Variants in SLIT3 observed in about 807,000 individuals in gnomAD.
The protein encoded by SLIT3 is slit homolog 3 protein.
A neutral mutation model predicts 184.0 loss-of-function variants in SLIT3; 68 were observed. The ratio of observed to expected loss-of-function variants is 0.37; its 90% CI spans 0.30 to 0.45. The LOEUF is 0.45. SLIT3 is among the 20% of genes least tolerant of loss of function. SLIT3 has a pLI of 1.00. For missense variants in SLIT3, 1,707 were observed against 2,026.0 expected (o/e 0.84, Z 3.02); for synonymous variants, 831 against 828.6 (o/e 1.00, Z -0.05).
chr5:169,109,271 A>T (rs745790394), intron 4 of SLIT3, among the ~76,000 whole-genome samples: 1 of 152,210 alleles, frequency 6.6e-6, no homozygotes, highest in Non-Finnish European at 1.5e-5. Flanking sequence ...CTCACTTGGC[A>T]AGGAACAGCA....
At chr5:169,217,393 C>T (rs1190864252) in intron 3 of SLIT3, among the ~76,000 whole-genome samples, 1 of 152,144 alleles carries the variant, frequency 6.6e-6, no homozygotes, top group African/African-American at 2.4e-5. Flanking sequence ...GAGCTCACAG[C>T]TGAAGTACGT....
At chr5:168,836,915 A>G (rs1758071098) in intron 6 of SLIT3, among the ~76,000 whole-genome samples, 1 of 152,200 alleles carries the variant, frequency 6.6e-6, no homozygotes, top group East Asian at 1.9e-4. Context: ...CGCAGATTCC[A>G]GGTATTTTAA....
At chr5:168,916,562 C>G (rs1329960988) in intron 4 of SLIT3, among the ~76,000 whole-genome samples, 1 of 152,234 alleles carries the variant, frequency 6.6e-6, no homozygotes, top group East Asian at 1.9e-4. Flanking sequence ...GGTCAATGAC[C>G]AGTCATAAAC....
intron 4 of SLIT3, among the ~76,000 whole-genome samples, chr5:169,141,762 A>G (rs756858983): frequency 7.1e-6 from 1 of 141,220 alleles, no homozygotes; most frequent in Non-Finnish European, 1.5e-5. Flanking sequence ...AAAAAAAGTT[A>G]ACATCTCAGC....
chr5:169,226,381 A>G (rs1254655771), intron 3 of SLIT3, among the ~76,000 whole-genome samples: 1 of 151,908 alleles, frequency 6.6e-6, no homozygotes, highest in African/African-American at 2.4e-5. Context: ...TTGAACAAAA[A>G]GTGGCCTGAT....
At chr5:169,089,072 T>G (rs2113195196) in intron 4 of SLIT3, among the ~76,000 whole-genome samples, 1 of 136,172 alleles carries the variant, frequency 7.3e-6, no homozygotes, top group Admixed American at 7.9e-5. Context: ...CTGACTCTGA[T>G]TCTCCAGTGG....
intron 4 of SLIT3, among the ~76,000 whole-genome samples, chr5:168,904,489 C>CAATAAT (rs56039430): frequency 0.059 from 8,656 of 147,516 alleles, 292 homozygotes; most frequent in Middle Eastern, 0.092. Flanking sequence ...TTAGAAATAA[C>CAATAAT]AATAATAATA....
intron 3 of SLIT3, among the ~76,000 whole-genome samples, chr5:169,226,515 T>C (rs528569576): frequency 6.6e-6 from 1 of 152,188 alleles, no homozygotes; most frequent in African/African-American, 2.4e-5. Flanking sequence ...TAAAAACAAA[T>C]TGGGTGCCTT....
chr5:169,069,368 T>G (rs1758461785), intron 4 of SLIT3, among the ~76,000 whole-genome samples: 1 of 152,180 alleles, frequency 6.6e-6, no homozygotes, highest in Admixed American at 6.5e-5. Flanking sequence ...TGGAGGGCCC[T>G]AGAATGCATG....
Position 168,753,726 on chromosome 5 carries a change from A to G in SLIT3, c.1829+138T>C, listed in dbSNP as rs534880645. On this transcript the variant is annotated intron_variant, in intron 17 of 35. Coordinates refer to ENST00000519560, the MANE Select transcript of SLIT3 (RefSeq NM_003062.4). ...ATCCAAGGCTCCAGAATGTCTGATGACTCTGACTCCAGGAAGAGAGGGATT... is the reference window on the plus strand; with the variant it reads ...ATCCAAGGCTCCAGAATGTCTGATGGCTCTGACTCCAGGAAGAGAGGGATT... The G allele has an allele frequency of 2.3e-5, 23 of 1,000,190 alleles. 1 individual carries two copies. The South Asian group carries it at 3.0e-4, about 13-fold the overall frequency. The allele number at this position is 1,000,190 out of a possible 1,614,324, so 62.0% of individuals were successfully genotyped here. A position where few individuals can be genotyped will look rare whatever the true frequency, so the allele number is the denominator to read the frequency against.
At chr5:169,055,134 T>TG (rs200796252) in intron 4 of SLIT3, among the ~76,000 whole-genome samples, 5,705 of 152,220 alleles carry the variant, frequency 0.037, 151 homozygotes, top group Middle Eastern at 0.061. Flanking sequence ...CCATCAGTTT[T>TG]GGGGAAGAAA....
chr5:168,697,186 G>C (rs941814570), intron 27 of SLIT3, among the ~76,000 whole-genome samples: 6 of 152,216 alleles, frequency 3.9e-5, no homozygotes, highest in Admixed American at 2.6e-4. Context: ...AGCCCCTCCA[G>C]CTTCTGGGGG....
chr5:169,040,846 T>C (rs1330650443), intron 4 of SLIT3, among the ~76,000 whole-genome samples: 1 of 152,242 alleles, frequency 6.6e-6, no homozygotes, highest in African/African-American at 2.4e-5. Flanking sequence ...CCATTGCCGA[T>C]TGGCTACCCA....
At chr5:169,008,509 G>A (rs1225483096) in intron 4 of SLIT3, among the ~76,000 whole-genome samples, 1 of 152,220 alleles carries the variant, frequency 6.6e-6, no homozygotes, top group Non-Finnish European at 1.5e-5. Flanking sequence ...GCCCAGACGA[G>A]ATAAGACCTG....
intron 4 of SLIT3, among the ~76,000 whole-genome samples, chr5:169,187,111 GTTTTT>G (rs761501769): frequency 4.2e-5 from 4 of 94,416 alleles, no homozygotes; most frequent in Non-Finnish European, 7.8e-5. Flanking sequence ...GCAGCTATAG[GTTTTT>G]TTTTTTTTTT....
intron 9 of SLIT3, 47 bp downstream of exon 9, chr5:168,806,399 G>T: frequency 6.2e-7 from 1 of 1,610,034 alleles, no homozygotes; most frequent in South Asian, 1.1e-5. Context: ...ACAGGGAGCT[G>T]AATTCTCCGG....
intron 4 of SLIT3, among the ~76,000 whole-genome samples, chr5:169,094,161 C>T (rs1759693142): frequency 1.3e-5 from 2 of 152,206 alleles, no homozygotes; most frequent in South Asian, 4.1e-4. Context: ...AGTAAATCTG[C>T]ACCCTGTATT....
At chr5:169,249,939 G>A (rs1287150951) in intron 2 of SLIT3, among the ~76,000 whole-genome samples, 2 of 152,222 alleles carry the variant, frequency 1.3e-5, no homozygotes, top group Admixed American at 1.3e-4. Flanking sequence ...GATTCCCCAT[G>A]TCCCCACACA....
chr5:169,185,000 C>T (rs1318462648), intron 4 of SLIT3, among the ~76,000 whole-genome samples: 1 of 152,174 alleles, frequency 6.6e-6, no homozygotes, highest in Non-Finnish European at 1.5e-5. Context: ...GGCAAGTCCG[C>T]AGGCTTCTAT....
Sources: gnomAD v4.1 joint callset for allele counts (sites outside exome capture counted in the v4.1 genomes callset) on GRCh38, gnomAD v4.1.1 for gene constraint, MANE v1.5 for transcripts, NCBI Gene and HGNC (gene_info 2026-07-23, HGNC 2026-07-21) for gene names.